Variants in UCHL5 observed in about 807,000 individuals in gnomAD.
The protein encoded by UCHL5 is ubiquitin C-terminal hydrolase L5.
UCHL5 carries 34 observed loss-of-function variants against 53.8 expected under a neutral mutation model. The observed-to-expected ratio is 0.63, with a 90% CI of 0.48 to 0.84. UCHL5 has a LOEUF of 0.84. Ranked by LOEUF, UCHL5 falls within the 40% of genes least tolerant of loss-of-function variation. UCHL5 has a pLI of 0.00. For missense variants in UCHL5, 290 were observed against 385.6 expected (o/e 0.75, Z 2.08); for synonymous variants, 111 against 126.3 (o/e 0.88, Z 0.81).
At chr1:193,049,906 T>C (rs1308053973) in intron 2 of UCHL5, 55 bp from the exon 3 acceptor site, 20 of 1,423,384 alleles carry the variant, frequency 1.4e-5, no homozygotes, top group Non-Finnish European at 1.9e-5. Flanking sequence ...TCATAATACA[T>C]TGTTAATCTA....
chr1:193,058,154 G>C (rs1352275195), intron 1 of UCHL5, among the ~76,000 whole-genome samples: 1 of 152,114 alleles, frequency 6.6e-6, no homozygotes, highest in Non-Finnish European at 1.5e-5. Flanking sequence ...TTGACCCCGA[G>C]AGATGGAGGT....
intron 10 of UCHL5, among the ~76,000 whole-genome samples, chr1:193,019,122 C>T (rs1182157479): frequency 1.3e-5 from 2 of 151,532 alleles, no homozygotes; most frequent in African/African-American, 4.8e-5. Flanking sequence ...TTAATTCCCA[C>T]CACATATTTA....
At chr1:193,045,778 CTT>C (rs1048974245) in intron 3 of UCHL5, among the ~76,000 whole-genome samples, 1 of 152,220 alleles carries the variant, frequency 6.6e-6, no homozygotes, top group East Asian at 1.9e-4. Flanking sequence ...TTACAAGACA[CTT>C]TTATTTTCTA....
intron 1 of UCHL5, 94 bp from the exon 2 acceptor site, chr1:193,051,911 G>A (rs1571915249): frequency 1.1e-6 from 1 of 887,500 alleles, no homozygotes. Flanking sequence ...TGCAACACAT[G>A]ACAAAACAAA....
Position 193,059,326 on chromosome 1 carries a change from C to G in UCHL5, c.-66G>C. The G allele has an allele frequency of 1.2e-6, 2 of 1,607,312 alleles. No individual in the cohort carries two copies. Among genetic ancestry groups the G allele is most frequent in the Non-Finnish European group, 1.7e-6 (2 of 1,177,054 alleles). On this transcript the variant is annotated 5_prime_UTR_variant, in exon 1 of 11. Transcript: ENST00000367454. The surrounding 1 kb of genome is among the most constrained non-coding windows in gnomAD (Gnocchi z 4.9). ...AGCTGCCCCCCGCACCAGCTGCCGCCGGCCACAGATCTCAGCAAACCCGCC... is the reference window on the plus strand; with the variant it reads ...AGCTGCCCCCCGCACCAGCTGCCGCGGGCCACAGATCTCAGCAAACCCGCC...
chr1:193,017,378 A>C (rs1468486908), intron 10 of UCHL5, among the ~76,000 whole-genome samples: 1 of 151,784 alleles, frequency 6.6e-6, no homozygotes, highest in African/African-American at 2.4e-5. Context: ...ATTAGGTAGT[A>C]TAATTATTAT....
intron 3 of UCHL5, among the ~76,000 whole-genome samples, chr1:193,031,976 C>A (rs937698649): frequency 6.6e-6 from 1 of 152,100 alleles, no homozygotes; most frequent in Non-Finnish European, 1.5e-5. Flanking sequence ...GAGGCTAGAG[C>A]AGAGGGTCTC....
intron 3 of UCHL5, among the ~76,000 whole-genome samples, chr1:193,036,317 CAAAAAAAAA>C (rs960496083): frequency 3.9e-5 from 2 of 50,798 alleles, no homozygotes; most frequent in Non-Finnish European, 6.8e-5. Flanking sequence ...AACTGGAAAC[CAAAAAAAAA>C]AAAAAAAAAA....
intron 9 of UCHL5, among the ~76,000 whole-genome samples, chr1:193,022,115 C>A (rs138401210): frequency 6.6e-6 from 1 of 151,932 alleles, no homozygotes; most frequent in Admixed American, 6.6e-5. Flanking sequence ...TCTCCATGAA[C>A]TTGTCCCTCC....
intron 1 of UCHL5, among the ~76,000 whole-genome samples, chr1:193,057,044 A>G (rs896732994): frequency 1.3e-5 from 2 of 152,218 alleles, no homozygotes; most frequent in Non-Finnish European, 2.9e-5. Flanking sequence ...CTAGTACAAC[A>G]TTTCTGAAAG....
chr1:193,059,976 C>A (rs766159439), upstream of UCHL5: 2 of 1,366,414 alleles, frequency 1.5e-6, no homozygotes, highest in Admixed American at 3.8e-5. This position sits in a 1 kb window ranked among gnomAD's most constrained non-coding sequence, Gnocchi z 4.9. Flanking sequence ...TAGGGACATC[C>A]TCGCTAGGCC....
chr1:193,058,370 G>C (rs1671460125), intron 1 of UCHL5, among the ~76,000 whole-genome samples: 1 of 152,168 alleles, frequency 6.6e-6, no homozygotes, highest in Non-Finnish European at 1.5e-5. Context: ...TGTTAATCCC[G>C]CGTAAAAGTT....
intron 10 of UCHL5, chr1:193,020,355 T>G: frequency 6.5e-7 from 1 of 1,548,380 alleles, no homozygotes. Flanking sequence ...ATTTGCCTAG[T>G]AGTGTCTTCT....
In UCHL5 at chr1:193,051,818, C is replaced by T; in HGVS notation, c.77-1G>A. 6.3e-7 allele frequency: 1 copy of T among 1,588,174 alleles called. No homozygotes were observed. Among genetic ancestry groups the T allele is most frequent in the Non-Finnish European group, 8.6e-7 (1 of 1,168,364 alleles). ...TCTTCTACTTGGGCTCCTCGGCAAC[C>T]TGAAATAATAAATTATTTTCTTCAG... On this transcript the variant is annotated splice_acceptor_variant, in intron 1 of 10. Coordinates refer to ENST00000367454, the MANE Select transcript of UCHL5 (RefSeq NM_001199261.3). LOFTEE classifies it high-confidence loss of function.
intron 7 of UCHL5, 187 bp downstream of exon 7, chr1:193,027,898 G>A (rs768241751): frequency 4.1e-5 from 60 of 1,475,692 alleles, no homozygotes; most frequent in Middle Eastern, 2.4e-4. Context: ...CGAGGCAGGC[G>A]GATGGCTTGA....
intron 6 of UCHL5, among the ~76,000 whole-genome samples, chr1:193,028,909 T>C (rs1484510472): frequency 6.6e-6 from 1 of 152,148 alleles, no homozygotes; most frequent in Non-Finnish European, 1.5e-5. Context: ...TTTTAAATGT[T>C]AAATGGAAAA....
intron 3 of UCHL5, among the ~76,000 whole-genome samples, chr1:193,039,226 A>G (rs1415650003): frequency 6.6e-6 from 1 of 152,092 alleles, no homozygotes; most frequent in Non-Finnish European, 1.5e-5. Context: ...CCTGGCCAAC[A>G]TGGCAAAATC....
At position 193,012,440 on chromosome 1, in the gene UCHL5, C is replaced by T. The variant is rs1320457863; in HGVS notation, c.*3911G>A. ...CTCCAACATTAATAAACCATTTAAC[C>T]ATCAAACATGATTGCAAATTAATAT... On this transcript the variant is annotated 3_prime_UTR_variant, in exon 11 of 11. Coordinates refer to ENST00000367454, the MANE Select transcript of UCHL5 (RefSeq NM_001199261.3). The T allele has an allele frequency of 3.3e-5, 5 of 152,108 alleles. No individual in the cohort carries two copies. Among genetic ancestry groups the T allele is most frequent in the African/African-American group, 2.4e-5 (1 of 41,422 alleles). 9.4% of individuals were successfully genotyped at this position (152,108 alleles called of 1,614,324 possible).
At chr1:193,022,104 A>C (rs1258230480) in intron 9 of UCHL5, among the ~76,000 whole-genome samples, 1 of 152,068 alleles carries the variant, frequency 6.6e-6, no homozygotes, top group Non-Finnish European at 1.5e-5. Context: ...TTCCTTCCCT[A>C]TCTCCATGAA....
Sources: gnomAD v4.1 joint callset for allele counts (sites outside exome capture counted in the v4.1 genomes callset) on GRCh38, gnomAD v4.1.1 for gene constraint, Gnocchi (gnomAD v3.1) non-coding constraint, MANE v1.5 for transcripts, NCBI Gene and HGNC (gene_info 2026-07-23, HGNC 2026-07-21) for gene names.